Variants in MGAT5 observed in about 807,000 individuals in gnomAD.
The protein encoded by MGAT5 is alpha-1,6-mannosylglycoprotein 6-beta-N-acetylglucosaminyltransferase, also known as alpha-1,6-mannosylglycoprotein 6-beta-N-acetylglucosaminyltransferase A.
In MGAT5, 30 loss-of-function variants were observed where a neutral mutation model predicts 94.3. That is an observed-to-expected ratio of 0.32 (90% CI 0.24 to 0.43). The LOEUF (loss-of-function observed/expected upper bound fraction) is 0.43. Ranked by LOEUF, MGAT5 falls within the 20% of genes least tolerant of loss-of-function variation. The probability of loss-of-function intolerance (pLI) is 1.00; values close to 1 mark genes in which losing one functional copy is unlikely to be tolerated. For missense variants in MGAT5, 691 were observed against 905.5 expected, an observed-to-expected ratio of 0.76 and a Z score of 3.04; for synonymous variants, 310 against 322.9, an observed-to-expected ratio of 0.96 and a Z score of 0.43.
chr2:134,289,873 T>A (rs1685241016), intron 2 of MGAT5, among the ~76,000 whole-genome samples: 1 of 152,244 alleles, frequency 6.6e-6, no homozygotes, highest in African/African-American at 2.4e-5. Context: ...TGGAAGCTTG[T>A]GCCTGGTCTC....
chr2:134,248,122 G>T (rs1041657147), intron 1 of MGAT5, among the ~76,000 whole-genome samples: 1 of 152,150 alleles, frequency 6.6e-6, no homozygotes, highest in African/African-American at 2.4e-5. Flanking sequence ...ACTACTAAGG[G>T]TAAAATCTTG....
At chr2:134,400,206 G>T (rs780995443) in intron 10 of MGAT5, among the ~76,000 whole-genome samples, 6 of 152,124 alleles carry the variant, frequency 3.9e-5, no homozygotes, top group Non-Finnish European at 8.8e-5. Context: ...AGGCTTCTGG[G>T]GCACCTTTAC....
At chr2:134,344,239 G>A (rs1688796479) in intron 7 of MGAT5, among the ~76,000 whole-genome samples, 1 of 152,154 alleles carries the variant, frequency 6.6e-6, no homozygotes, top group Non-Finnish European at 1.5e-5. Flanking sequence ...GTATGGTTTT[G>A]TGTGGATGGA....
At chr2:134,431,876 C>T (rs1313793513) in intron 14 of MGAT5, among the ~76,000 whole-genome samples, 1 of 152,186 alleles carries the variant, frequency 6.6e-6, no homozygotes, top group Non-Finnish European at 1.5e-5. Flanking sequence ...ATACCCAGTC[C>T]TCCCTGGGTA....
chr2:134,377,108 T>C (rs1159507089), intron 10 of MGAT5, among the ~76,000 whole-genome samples: 1 of 152,226 alleles, frequency 6.6e-6, no homozygotes, highest in African/African-American at 2.4e-5. Context: ...GGAACCTGTT[T>C]GGATAAATTA....
chr2:134,216,111 A>G (rs1680483900), intron 1 of MGAT5, among the ~76,000 whole-genome samples: 1 of 152,218 alleles, frequency 6.6e-6, no homozygotes, highest in East Asian at 1.9e-4. Context: ...AGAAGCTGGT[A>G]AAGTCGGTGT....
intron 10 of MGAT5, among the ~76,000 whole-genome samples, chr2:134,374,898 T>A (rs541920768): frequency 3.0e-3 from 462 of 152,222 alleles, no homozygotes; most frequent in Non-Finnish European, 5.2e-3. Context: ...GAAGCTGAGG[T>A]GGGAGGATCG....
chr2:134,443,821 C>G (rs1303269527), intron 15 of MGAT5, among the ~76,000 whole-genome samples: 1 of 152,208 alleles, frequency 6.6e-6, no homozygotes, highest in African/African-American at 2.4e-5. Context: ...TTGGAATTCA[C>G]TAGTTACAGA....
chr2:134,328,097 A>G (rs767402410), intron 4 of MGAT5, among the ~76,000 whole-genome samples: 9 of 152,000 alleles, frequency 5.9e-5, no homozygotes, highest in African/African-American at 1.2e-4. Context: ...TATAAGGGAA[A>G]ATTGGCCTTT....
intron 9 of MGAT5, among the ~76,000 whole-genome samples, chr2:134,351,911 G>A (rs377544018): frequency 4.6e-5 from 7 of 152,142 alleles, no homozygotes; most frequent in African/African-American, 1.7e-4. Flanking sequence ...TAACAGTTTA[G>A]AGGAAAGAGA....
At chr2:134,404,737 TTGGCCAAAGACC>T (rs1375435930) in intron 11 of MGAT5, among the ~76,000 whole-genome samples, 1 of 152,250 alleles carries the variant, frequency 6.6e-6, no homozygotes, top group Non-Finnish European at 1.5e-5. Flanking sequence ...CTTTAGCTTA[TTGGCCAAAGACC>T]TGGTTTGTTT....
upstream of MGAT5, among the ~76,000 whole-genome samples, chr2:134,249,860 G>A (rs536266665): frequency 3.3e-5 from 5 of 152,366 alleles, no homozygotes; most frequent in South Asian, 8.3e-4. Context: ...CACACTGGCT[G>A]CGCCATTTGA....
intron 14 of MGAT5, among the ~76,000 whole-genome samples, chr2:134,436,806 T>G (rs1685185747): frequency 1.3e-5 from 2 of 152,150 alleles, no homozygotes; most frequent in Admixed American, 6.5e-5. Flanking sequence ...TGTCTTACTA[T>G]CTGTTAGCCT....
intron 1 of MGAT5, among the ~76,000 whole-genome samples, chr2:134,214,479 A>G (rs765008691): frequency 2.0e-5 from 3 of 152,126 alleles, no homozygotes; most frequent in Non-Finnish European, 4.4e-5. Flanking sequence ...AAACCAATCT[A>G]TGTTTTAAGA....
intron 11 of MGAT5, among the ~76,000 whole-genome samples, chr2:134,404,963 A>C (rs1683250906): frequency 6.6e-6 from 1 of 152,196 alleles, no homozygotes; most frequent in South Asian, 2.1e-4. Flanking sequence ...TCTCCACATC[A>C]GATTGTGGAA....
At chr2:134,413,920 C>T (rs1207190393) in intron 12 of MGAT5, among the ~76,000 whole-genome samples, 1 of 152,160 alleles carries the variant, frequency 6.6e-6, no homozygotes, top group Non-Finnish European at 1.5e-5. Context: ...GTCATTTTCT[C>T]TCCCAAATAG....
At chr2:134,356,572 C>T (rs1679756178) in intron 9 of MGAT5, among the ~76,000 whole-genome samples, 1 of 152,102 alleles carries the variant, frequency 6.6e-6, no homozygotes, top group Non-Finnish European at 1.5e-5. Context: ...ATAAGACTTT[C>T]TCATACTTCC....
intron 1 of MGAT5, among the ~76,000 whole-genome samples, chr2:134,259,603 C>T (rs1450878904): frequency 1.3e-5 from 2 of 152,164 alleles, no homozygotes; most frequent in East Asian, 1.9e-4. Context: ...CTGCCGACCC[C>T]CATCCCACTT....
chr2:134,392,671 G>C (rs575930283), intron 10 of MGAT5, among the ~76,000 whole-genome samples: 1 of 152,330 alleles, frequency 6.6e-6, no homozygotes, highest in African/African-American at 2.4e-5. Flanking sequence ...GAGATTATGT[G>C]CATTATTACC....
Sources: allele counts gnomAD v4.1 joint callset (sites outside exome capture counted in the v4.1 genomes callset), GRCh38; gene constraint gnomAD v4.1.1; transcripts MANE v1.5; gene names NCBI Gene and HGNC (gene_info 2026-07-23, HGNC 2026-07-21).